The following FSIP2 variants were observed in gnomAD, a reference collection of about 807,000 sequenced individuals.
FSIP2 encodes the protein fibrous sheath-interacting protein 2.
FSIP2 carries 367 observed loss-of-function variants against 510.5 expected under a neutral mutation model. The ratio of observed to expected loss-of-function variants is 0.72; its 90% CI spans 0.66 to 0.78. FSIP2 has a LOEUF of 0.78. Among genes scored for constraint, FSIP2 ranks in the 30% least tolerant of loss-of-function variants. The pLI is 0.00. For synonymous variants in FSIP2, 2,601 were observed against 2,732.2 expected, an observed-to-expected ratio of 0.95 and a Z score of 1.50; for missense variants, 7,594 against 7,901.7, an observed-to-expected ratio of 0.96 and a Z score of 1.48.
rs561060188 is a variant in FSIP2, at chr2:185,784,447, GA to G, written c.1469+1690del. Among the ~76,000 whole-genome samples, 382 of 152,100 alleles carry G rather than the reference GA, an allele frequency of 2.5e-3. 2 individuals carry two copies. Among genetic ancestry groups the G allele is most frequent in the African/African-American group, 8.8e-3 (365 of 41,538 alleles). Reference sequence around the variant, plus strand: ...GAATAACTTTGACACCAATATATAGGAAAAATTGAAAGAAAGAAACTCAGAA... The same window carrying G: ...GAATAACTTTGACACCAATATATAGGAAAATTGAAAGAAAGAAACTCAGAA... On this transcript the variant is annotated intron_variant, in intron 14 of 22. Transcript: ENST00000424728.
intron 17 of FSIP2, among the ~76,000 whole-genome samples, chr2:185,813,219 C>G (rs1333554655): frequency 6.6e-6 from 1 of 151,810 alleles, no homozygotes; most frequent in African/African-American, 2.4e-5. Context: ...AATAGGTTAT[C>G]CTGTCTACTT....
chr2:185,750,583 T>C lies in FSIP2; in HGVS notation c.871-3139T>C, dbSNP rs1005072199. Among the ~76,000 whole-genome samples, 4 of 141,150 alleles carry C rather than the reference T, an allele frequency of 2.8e-5. No individual in the cohort carries two copies. In the Admixed American group the frequency reaches 2.9e-4, roughly 10 times the overall value. 92.6% of individuals were successfully genotyped at this position (141,150 alleles called of 152,430 possible). On this transcript the variant is annotated intron_variant, in intron 7 of 22. Transcript: ENST00000424728. ...CTGATTTTCTCCAACTGCTAGTTTT[T>C]AGTTTTAATGCATTTCTCTGTTTTT...
intron 14 of FSIP2, among the ~76,000 whole-genome samples, chr2:185,785,248 C>T (rs917036938): frequency 6.6e-6 from 1 of 152,034 alleles, no homozygotes; most frequent in Non-Finnish European, 1.5e-5. Context: ...GAGAACATGT[C>T]ACTGACATCA....
chr2:185,797,496 G>A lies in FSIP2; in HGVS notation c.10360G>A (p.Val3454Ile), dbSNP rs972263173. 1 of 1,503,704 alleles carries A rather than the reference G, an allele frequency of 6.7e-7. No homozygotes were observed. Among genetic ancestry groups the A allele is most frequent in the Admixed American group, 2.4e-5 (1 of 41,020 alleles). The allele number at this position is 1,503,704 out of a possible 1,614,324, so 93.1% of individuals were successfully genotyped here. A position where few individuals can be genotyped will look rare whatever the true frequency, so the allele number is the denominator to read the frequency against. ...AGCAAGACATGTCACCACATCTGTG[G>A]TCACATATTTGAAGAACTTTGAAAC... is the stretch of plus-strand genomic sequence containing the variant. ...LIARHVTTSVVTYLKNFETTV... is the reference protein window; with the variant it reads ...LIARHVTTSVITYLKNFETTV... The change falls in exon 16 of 23, where the codon GTC (valine) becomes ATC (isoleucine). Residue 3454 changes from valine to isoleucine, a missense_variant. By Grantham distance (29) the Val-to-Ile change is conservative. Transcript: ENST00000424728.
At chr2:185,767,583 C>G (rs1367433569) in intron 13 of FSIP2, among the ~76,000 whole-genome samples, 1 of 152,070 alleles carries the variant, frequency 6.6e-6, no homozygotes, top group East Asian at 1.9e-4. Context: ...ATGATGTTCT[C>G]CAAGTTCTTT....
intron 14 of FSIP2, among the ~76,000 whole-genome samples, chr2:185,785,937 A>G (rs557571447): frequency 3.9e-5 from 6 of 152,052 alleles, no homozygotes; most frequent in African/African-American, 1.4e-4. Context: ...TGCAAATCCT[A>G]TATCCATTTT....
At chr2:185,776,643 T>C (rs1240431071) in intron 13 of FSIP2, among the ~76,000 whole-genome samples, 1 of 152,194 alleles carries the variant, frequency 6.6e-6, no homozygotes, top group African/African-American at 2.4e-5. Flanking sequence ...AAATTTTCTT[T>C]ATAGCAAAAT....
chr2:185,750,220 T>G (rs1692114976), intron 7 of FSIP2, among the ~76,000 whole-genome samples: 1 of 151,708 alleles, frequency 6.6e-6, no homozygotes. Flanking sequence ...AAAATTATTT[T>G]AGAATTGGTA....
At chr2:185,745,192 A>C (rs1692001577) in intron 4 of FSIP2, 1 of 276,236 alleles carries the variant, frequency 3.6e-6, no homozygotes, top group Non-Finnish European at 6.6e-6. Context: ...TACTTCCTGC[A>C]TATTTTTATT....
At chr2:185,737,693 T>C (rs754302052), upstream of FSIP2, among the ~76,000 whole-genome samples, 3 of 152,160 alleles carry the variant, frequency 2.0e-5, no homozygotes, top group Non-Finnish European at 2.9e-5. Context: ...TTTTTTTTCC[T>C]GTTTTGGTGA....
At chr2:185,825,553 G>A (rs1277039696) in intron 20 of FSIP2, among the ~76,000 whole-genome samples, 1 of 151,680 alleles carries the variant, frequency 6.6e-6, no homozygotes, top group Non-Finnish European at 1.5e-5. Context: ...TAATACTCCT[G>A]CACATGTACC....
chr2:185,793,790 A>G lies in FSIP2; in HGVS notation c.6654A>G (p.Arg2218=), dbSNP rs1204486068. The change falls in exon 16 of 23, where the codon AGA becomes AGG. Residue 2218 remains arginine (R), a synonymous_variant. Transcript: ENST00000424728. ...AAACAGAGCGTTTTTCATATTCAAG[A>G]AATCAGAAATCAGCTTATGCTGATG... The part of the protein sequence containing the change: ...ERKTERFSYS[R]NQKSAYADDN... 9.1e-6 allele frequency: 14 copies of G among 1,532,554 alleles called. No homozygotes were observed. Among genetic ancestry groups the G allele is most frequent in the Admixed American group, 4.0e-5 (2 of 50,506 alleles). The allele number at this position is 1,532,554 out of a possible 1,614,324, so 94.9% of individuals were successfully genotyped here. A position where few individuals can be genotyped will look rare whatever the true frequency, so the allele number is the denominator to read the frequency against.
intron 2 of FSIP2, among the ~76,000 whole-genome samples, chr2:185,742,286 G>T (rs1174254623): frequency 1.3e-5 from 2 of 152,102 alleles, no homozygotes; most frequent in African/African-American, 2.4e-5. Flanking sequence ...GAAAAACTGA[G>T]AACTCACACC....
intron 4 of FSIP2, 105 bp downstream of exon 4, chr2:185,744,516 C>G (rs1348908630): frequency 3.8e-6 from 1 of 263,572 alleles, no homozygotes; most frequent in African/African-American, 2.2e-5. Context: ...TTATTATTGA[C>G]AAAGTAATTG....
In FSIP2 at chr2:185,829,032, G is replaced by A. The variant is rs144234669; in HGVS notation, c.20517+833G>A. Reference sequence around the variant, plus strand: ...ACCTAATCCTCATTTATGAATATAAGTATTTGTTTAACTACCTCAGGCTCC... The same window carrying A: ...ACCTAATCCTCATTTATGAATATAAATATTTGTTTAACTACCTCAGGCTCC... On this transcript the variant is annotated intron_variant, in intron 21 of 22. Coordinates refer to ENST00000424728, the MANE Select transcript of FSIP2 (RefSeq NM_173651.4). 5.8e-3 allele frequency among the ~76,000 whole-genome samples: 880 copies of A among 151,886 alleles called. 7 individuals are homozygous for A. Among genetic ancestry groups the A allele is most frequent in the Non-Finnish European group, 7.4e-3 (505 of 67,870 alleles).
At position 185,805,948 on chromosome 2, in the gene FSIP2, A is replaced by G. The variant is rs749031559; in HGVS notation, c.16642A>G (p.Lys5548Glu). The change falls in exon 17 of 23, where the codon AAA (lysine) becomes GAA (glutamate). Residue 5548 changes from lysine (K) to glutamate (E), a missense_variant. Lys to Glu is a moderately conservative substitution (Grantham distance 56). Coordinates refer to ENST00000424728, the MANE Select transcript of FSIP2 (RefSeq NM_173651.4). ...TACTTCAACTACCACTGTGAAAAGT[A>G]AAGATACTCAGGAGCCAAATTTGAG... ...KVTSTTTVKS[K>E]DTQEPNLSET... The G allele has an allele frequency of 5.7e-6, 9 of 1,581,284 alleles. No homozygotes were observed. The African/African-American group carries it at 8.2e-5, about 14-fold the overall frequency.
intron 14 of FSIP2, 75 bp from the exon 15 acceptor site, chr2:185,786,177 A>T: frequency 1.1e-6 from 1 of 913,718 alleles, no homozygotes; most frequent in Non-Finnish European, 1.6e-6. Context: ...TGATTTCAAT[A>T]ATTAGAAATT....
chr2:185,829,322 G>T (rs1016909296), intron 21 of FSIP2, among the ~76,000 whole-genome samples: 1 of 151,858 alleles, frequency 6.6e-6, no homozygotes, highest in Admixed American at 6.6e-5. Flanking sequence ...AACACTGTGG[G>T]TAACTACTGA....
intron 3 of FSIP2, among the ~76,000 whole-genome samples, chr2:185,743,754 A>G (rs1691971382): frequency 6.6e-6 from 1 of 152,218 alleles, no homozygotes; most frequent in Admixed American, 6.5e-5. Context: ...TAATCCAATT[A>G]CAGCTAATTG....
Sources: gnomAD v4.1 joint callset for allele counts (sites outside exome capture counted in the v4.1 genomes callset) on GRCh38, gnomAD v4.1.1 for gene constraint, MANE v1.5 for transcripts, NCBI Gene and HGNC (gene_info 2026-07-23, HGNC 2026-07-21) for gene names.